Variants in DLL4 observed in about 807,000 individuals in gnomAD.
DLL4 encodes the protein delta-like protein 4.
DLL4 carries 7 observed loss-of-function variants against 73.6 expected under a neutral mutation model. The observed-to-expected ratio is 0.10, with a 90% CI of 0.05 to 0.18. The LOEUF is 0.18. Ranked by LOEUF, DLL4 falls within the 10% of genes least tolerant of loss-of-function variation. The probability of loss-of-function intolerance (pLI) is 1.00; values close to 1 mark genes in which losing one functional copy is unlikely to be tolerated. For synonymous variants in DLL4, 345 were observed against 374.3 expected (o/e 0.92, Z 0.90); for missense variants, 614 against 929.9 (o/e 0.66, Z 4.42).
Position 40,938,073 on chromosome 15 carries a change from G to A in DLL4, c.*39G>A. On this transcript the variant is annotated 3_prime_UTR_variant, in exon 11 of 11. Transcript: ENST00000249749. ...CTGGACATCCCTGCTCAGCCCCGCG[G>A]CTGGACCTTCCTTCTGCATTGTTTA... is the stretch of plus-strand genomic sequence containing the variant. 1 of 1,523,078 alleles carries A rather than the reference G, an allele frequency of 6.6e-7. No individual in the cohort carries two copies. Among genetic ancestry groups the A allele is most frequent in the African/African-American group, 1.4e-5 (1 of 71,254 alleles). 94.3% of individuals were successfully genotyped at this position (1,523,078 alleles called of 1,614,324 possible). A position where few individuals can be genotyped will look rare whatever the true frequency, so the allele number is the denominator to read the frequency against.
At chr15:40,933,736 G>T (rs1433715865) in intron 6 of DLL4, among the ~76,000 whole-genome samples, 1 of 152,080 alleles carries the variant, frequency 6.6e-6, no homozygotes, top group Non-Finnish European at 1.5e-5. Context: ...AGTTTCCCTG[G>T]CAGGACGTCT....
At chr15:40,932,616 T>G (rs1018717186) in intron 6 of DLL4, among the ~76,000 whole-genome samples, 169 bp downstream of exon 6, 1 of 152,126 alleles carries the variant, frequency 6.6e-6, no homozygotes, top group African/African-American at 2.4e-5. Context: ...TGGCCCAGAA[T>G]GAGGCGGTGG....
At position 40,931,446 on chromosome 15, in the gene DLL4, C is replaced by T. The variant is rs1032383545; in HGVS notation, c.395-57C>T. On this transcript the variant is annotated intron_variant, in intron 3 of 10. Coordinates refer to ENST00000249749, the MANE Select transcript of DLL4 (RefSeq NM_019074.4). ...GCCAAGAAGGACATTGGCCAGCCGT[C>T]ACTGGCACCCTTGGGGACTGGCGAC... 3 of 1,553,102 alleles carry T rather than the reference C, an allele frequency of 1.9e-6. No individual in the cohort carries two copies. The African/African-American group carries it at 4.1e-5, about 21-fold the overall frequency.
Position 40,930,504 on chromosome 15 carries a change from G to A in DLL4, c.337-121G>A, listed in dbSNP as rs1892751314. 2 of 839,504 alleles carry A rather than the reference G, an allele frequency of 2.4e-6. No individual in the cohort carries two copies. Among genetic ancestry groups the A allele is most frequent in the Non-Finnish European group, 3.9e-6 (2 of 507,180 alleles). 52.0% of individuals were successfully genotyped at this position (839,504 alleles called of 1,614,324 possible). On this transcript the variant is annotated intron_variant, in intron 2 of 10. Coordinates refer to ENST00000249749, the MANE Select transcript of DLL4 (RefSeq NM_019074.4). This position sits in a 1 kb window ranked among gnomAD's most constrained non-coding sequence, Gnocchi z 5.7. ...ACACTGTGCACAGCCCCGTTATGTT[G>A]ACCCGGGCGCAGTAACTGAATCCTG...
chr15:40,932,650 G>A (rs1042919154), intron 6 of DLL4, among the ~76,000 whole-genome samples: 2 of 152,172 alleles, frequency 1.3e-5, no homozygotes, highest in Non-Finnish European at 2.9e-5. Context: ...TGCGGCGGCA[G>A]GGGGTGGTGG....
Position 40,929,813 on chromosome 15 carries a change from C to G in DLL4, c.67-34C>G. 1 of 1,608,764 alleles carries G rather than the reference C, an allele frequency of 6.2e-7. No individual in the cohort carries two copies. The highest frequency in any genetic ancestry group is 8.5e-7 in the Non-Finnish European group (1 of 1,179,354). ...CCGGGCACCAGCTGAGCTGACCGGT[C>G]CCCTCCCTCCTTCCCTCGGTCCCTG... is the stretch of plus-strand genomic sequence containing the variant. On this transcript the variant is annotated intron_variant, in intron 1 of 10. Transcript: ENST00000249749. This position sits in a 1 kb window ranked among gnomAD's most constrained non-coding sequence, Gnocchi z 7.1.
At chr15:40,937,021 C>A in intron 9 of DLL4, 91 bp downstream of exon 9, 2 of 1,146,934 alleles carry the variant, frequency 1.7e-6, no homozygotes, top group Non-Finnish European at 2.4e-6. Context: ...AGCAGTTAAG[C>A]AGCTGAGGTT....
In DLL4 at chr15:40,930,703, C is replaced by T. The variant is rs746155534; in HGVS notation, c.394+21C>T. The T allele has an allele frequency of 1.5e-5, 24 of 1,612,236 alleles. No homozygotes were observed. Among genetic ancestry groups the T allele is most frequent in the Non-Finnish European group, 8.5e-7 (1 of 1,178,662 alleles). On this transcript the variant is annotated intron_variant, in intron 3 of 10. Transcript: ENST00000249749. The surrounding 1 kb of genome is among the most constrained non-coding windows in gnomAD (Gnocchi z 5.7). ...GCCAGGTGAGTAGCTCGCTCCGCCA[C>T]CACAGGGGGGCGACACGGCGCAGCG...
chr15:40,935,381 G>C (rs1892828087), intron 8 of DLL4, among the ~76,000 whole-genome samples: 1 of 152,210 alleles, frequency 6.6e-6, no homozygotes, highest in East Asian at 1.9e-4. Flanking sequence ...CCTGGCTGGG[G>C]TGGCCTCTGA....
At position 40,934,705 on chromosome 15, in the gene DLL4, A is replaced by G; in HGVS notation, c.1008A>G (p.Gly336=). ...GTGACAGCAACCCCTGTCGCAATGG[A>G]GGCAGCTGTAAGGTGAGGCCCAGAC... The part of the protein sequence containing the change: ...SECDSNPCRN[G]GSCKDQEDGY... Residue 336 remains glycine, a synonymous_variant, in exon 7 of 11, where the codon GGA becomes GGG. Transcript: ENST00000249749. 6.2e-7 allele frequency: 1 copy of G among 1,613,552 alleles called. No homozygotes were observed. The highest frequency in any genetic ancestry group is 8.5e-7 in the Non-Finnish European group (1 of 1,179,708).
At position 40,937,407 on chromosome 15, in the gene DLL4, T is replaced by C; in HGVS notation, c.1944-11T>C. 6.3e-7 allele frequency: 1 copy of C among 1,589,532 alleles called. No homozygotes were observed. The highest frequency in any genetic ancestry group is 1.1e-5 in the South Asian group (1 of 90,580). On this transcript the variant is annotated splice_polypyrimidine_tract_variant and intron_variant, in intron 9 of 10. Coordinates refer to ENST00000249749, the MANE Select transcript of DLL4 (RefSeq NM_019074.4). ...GTCCCTCCCTTACACGCCTGTCTTG[T>C]GTTCCCTCAGTGAAAAGCCAGAGTG... is the stretch of plus-strand genomic sequence containing the variant.
intron 7 of DLL4, 32 bp downstream of exon 7, chr15:40,934,749 G>A: frequency 6.2e-7 from 1 of 1,603,998 alleles, no homozygotes; most frequent in Non-Finnish European, 8.5e-7. Context: ...GAAGACAGAG[G>A]TGTCAGGTGG....
rs1892823371 is a variant in DLL4, at chr15:40,935,014, G to A, written c.1137G>A (p.Glu379=). The part of the protein sequence containing the change: ...SPCFNGGSCR[E]RNQGANYACE... ...GCTTCAATGGGGGCTCCTGCCGGGA[G>A]CGCAACCAGGGGGCCAACTATGCTT... is the stretch of plus-strand genomic sequence containing the variant. The change falls in exon 8 of 11, where the codon GAG becomes GAA. Residue 379 remains glutamate (E), a synonymous_variant. Coordinates refer to ENST00000249749, the MANE Select transcript of DLL4 (RefSeq NM_019074.4). 3.7e-6 allele frequency: 6 copies of A among 1,613,410 alleles called. No homozygotes were observed. Among genetic ancestry groups the A allele is most frequent in the Non-Finnish European group, 3.4e-6 (4 of 1,179,908 alleles).
rs1482318309 is a variant in DLL4 at position 40,930,584 on chromosome 15, C to T, written c.337-41C>T. On this transcript the variant is annotated intron_variant, in intron 2 of 10. Coordinates refer to ENST00000249749, the MANE Select transcript of DLL4 (RefSeq NM_019074.4). This position sits in a 1 kb window ranked among gnomAD's most constrained non-coding sequence, Gnocchi z 5.7. ...AGGCACCCCCACCTCTCCCCGCTTG[C>T]TCATCTCGCCATCTCTCCGTCCCCC... 1 of 1,584,978 alleles carries T rather than the reference C, an allele frequency of 6.3e-7. No individual in the cohort carries two copies. The highest frequency in any genetic ancestry group is 1.1e-5 in the South Asian group (1 of 89,864).
At position 40,938,297 on chromosome 15, in the gene DLL4, C is replaced by A; in HGVS notation, c.*263C>A. 8.0e-6 allele frequency: 3 copies of A among 374,524 alleles called. No individual in the cohort carries two copies. The highest frequency in any genetic ancestry group is 1.4e-5 in the Non-Finnish European group (3 of 210,388). 23.2% of individuals were successfully genotyped at this position (374,524 alleles called of 1,614,324 possible). ...AGAAGAGAGATGCCACTGGGCACTG[C>A]CCTGCCAGTAGTGGCCTTCAGGGGG... On this transcript the variant is annotated 3_prime_UTR_variant, in exon 11 of 11. Coordinates refer to ENST00000249749, the MANE Select transcript of DLL4 (RefSeq NM_019074.4).
In DLL4 at chr15:40,934,536, C is replaced by T. The variant is rs1277986786; in HGVS notation, c.851-12C>T. On this transcript the variant is annotated splice_polypyrimidine_tract_variant and intron_variant, in intron 6 of 10. Coordinates refer to ENST00000249749, the MANE Select transcript of DLL4 (RefSeq NM_019074.4). The stretch of plus-strand genomic sequence containing the variant: ...CTGGCCCTGCTCAGCTGCTTGGTTC[C>T]TGTTTCTGCAGATCTCAACTACTGC... 5 of 1,612,932 alleles carry T rather than the reference C, an allele frequency of 3.1e-6. No individual in the cohort carries two copies. Among genetic ancestry groups the T allele is most frequent in the African/African-American group, 1.3e-5 (1 of 74,864 alleles).
Position 40,933,063 on chromosome 15 carries a change from G to A in DLL4, c.850+616G>A, listed in dbSNP as rs577284684. Among the ~76,000 whole-genome samples the A allele has an allele frequency of 1.2e-4, 18 of 152,358 alleles. 1 individual carries two copies. In the South Asian group the frequency reaches 3.7e-3, roughly 32 times the overall value. On this transcript the variant is annotated intron_variant, in intron 6 of 10. Coordinates refer to ENST00000249749, the MANE Select transcript of DLL4 (RefSeq NM_019074.4). ...AGGGGCCTTTCAGCCCCAACCTTGGGGGAGGAGGAAGCCTTTTTTCTTGCA... is the reference window on the plus strand; with the variant it reads ...AGGGGCCTTTCAGCCCCAACCTTGGAGGAGGAGGAAGCCTTTTTTCTTGCA...
chr15:40,931,432 C>T, intron 3 of DLL4, 71 bp from the exon 4 acceptor site: 1 of 1,507,340 alleles, frequency 6.6e-7, no homozygotes, highest in Admixed American at 1.9e-5. Context: ...CCAAGAAGGA[C>T]ATTGGCCAGC....
In DLL4 at chr15:40,934,725, C is replaced by T; in HGVS notation, c.1020+8C>T. ...AATGGAGGCAGCTGTAAGGTGAGGC[C>T]CAGACCAGCGCAGGAAGACAGAGGT... On this transcript the variant is annotated splice_region_variant and intron_variant, in intron 7 of 10. Transcript: ENST00000249749. The T allele has an allele frequency of 6.2e-7, 1 of 1,612,404 alleles. No homozygotes were observed. The highest frequency in any genetic ancestry group is 8.5e-7 in the Non-Finnish European group (1 of 1,178,904).
Sources: gnomAD v4.1 joint callset for allele counts (sites outside exome capture counted in the v4.1 genomes callset) on GRCh38, gnomAD v4.1.1 for gene constraint, Gnocchi (gnomAD v3.1) non-coding constraint, MANE v1.5 for transcripts, NCBI Gene and HGNC (gene_info 2026-07-23, HGNC 2026-07-21) for gene names.